WARS1: variants seen among roughly 807,000 people sequenced by gnomAD.
WARS1 encodes tryptophan--tRNA ligase, cytoplasmic.
Under a neutral mutation model 47.8 loss-of-function variants are expected in WARS1, and 17 were observed. The ratio of observed to expected loss-of-function variants is 0.36; its 90% CI spans 0.24 to 0.53. The LOEUF (loss-of-function observed/expected upper bound fraction) is 0.53. Among genes scored for constraint, WARS1 ranks in the 20% least tolerant of loss-of-function variants. The pLI is 0.91. For synonymous variants in WARS1, 208 were observed against 228.1 expected, an observed-to-expected ratio of 0.91 and a Z score of 0.79; for missense variants, 434 against 608.0, an observed-to-expected ratio of 0.71 and a Z score of 3.01.
intron 6 of WARS1, among the ~76,000 whole-genome samples, chr14:100,351,817 C>T (rs1895000368): frequency 6.6e-6 from 1 of 151,966 alleles, no homozygotes; most frequent in African/African-American, 2.4e-5. Flanking sequence ...CACAGTGAAA[C>T]CCCGTCTCTA....
chr14:100,335,977 A>G (rs1277633162), intron 10 of WARS1, among the ~76,000 whole-genome samples: 1 of 149,590 alleles, frequency 6.7e-6, no homozygotes, highest in African/African-American at 2.5e-5. Context: ...TTTTTTTTTT[A>G]AAAGAAATGA....
intron 2 of WARS1, chr14:100,366,531 A>G (rs1896007819): frequency 2.0e-6 from 1 of 511,098 alleles, no homozygotes; most frequent in African/African-American, 1.9e-5. Context: ...GAAGAAACTG[A>G]GGTTATAAAG....
chr14:100,339,103 T>TCACACACACA (rs528163285), intron 9 of WARS1, among the ~76,000 whole-genome samples: 75 of 145,402 alleles, frequency 5.2e-4, no homozygotes, highest in African/African-American at 1.8e-3. Context: ...TGAAACTCCA[T>TCACACACACA]CACACACACA....
intron 9 of WARS1, 135 bp from the exon 10 acceptor site, chr14:100,337,337 C>T (rs1469690304): frequency 5.9e-6 from 8 of 1,356,442 alleles, no homozygotes; most frequent in East Asian, 2.4e-5. Flanking sequence ...CCAAGGCGCA[C>T]AGCCGGTTGG....
At chr14:100,343,471 T>A in intron 7 of WARS1, 84 bp from the exon 8 acceptor site, 1 of 944,186 alleles carries the variant, frequency 1.1e-6, no homozygotes, top group Non-Finnish European at 1.6e-6. Flanking sequence ...AAACAGGTTT[T>A]CTCCCATTAT....
At chr14:100,343,475 C>A in intron 7 of WARS1, 88 bp from the exon 8 acceptor site, 15 of 906,996 alleles carry the variant, frequency 1.7e-5, no homozygotes, top group South Asian at 7.4e-5. Flanking sequence ...AGGTTTTCTC[C>A]CATTATAAAA....
chr14:100,348,718 C>A (rs527664511), intron 6 of WARS1, among the ~76,000 whole-genome samples: 4 of 152,146 alleles, frequency 2.6e-5, no homozygotes, highest in African/African-American at 4.8e-5. Context: ...AGACTCCATG[C>A]GCCCTTGGGA....
intron 6 of WARS1, 32 bp downstream of exon 6, chr14:100,353,655 A>G: frequency 6.2e-7 from 1 of 1,609,376 alleles, no homozygotes; most frequent in Non-Finnish European, 8.5e-7. Flanking sequence ...TCCTCTACCT[A>G]TTGAAAAGGC....
At chr14:100,336,046 C>T (rs1489059306) in intron 10 of WARS1, among the ~76,000 whole-genome samples, 1 of 151,338 alleles carries the variant, frequency 6.6e-6, no homozygotes, top group Admixed American at 6.6e-5. Flanking sequence ...GAGGCCAAGG[C>T]GGGTGGATCA....
intron 6 of WARS1, among the ~76,000 whole-genome samples, chr14:100,352,671 A>G (rs1426565435): frequency 6.6e-6 from 1 of 152,184 alleles, no homozygotes. Flanking sequence ...GGAGTGGAGT[A>G]ACATGCCTTA....
upstream of WARS1, chr14:100,375,988 G>A (rs187185034): frequency 1.1e-3 from 171 of 153,138 alleles, no homozygotes; most frequent in Non-Finnish European, 1.9e-3. Context: ...AAATAAAAAT[G>A]GGGGCCTCTC....
chr14:100,358,400 G>A (rs899986959), intron 4 of WARS1, among the ~76,000 whole-genome samples: 1 of 152,138 alleles, frequency 6.6e-6, no homozygotes, highest in Non-Finnish European at 1.5e-5. Flanking sequence ...CCAAAGTGCT[G>A]GGATTACAGA....
Position 100,334,827 on chromosome 14 carries a change from T to C in WARS1, c.*48A>G, listed in dbSNP as rs765582308. 1.9e-6 allele frequency: 3 copies of C among 1,598,778 alleles called. No individual in the cohort carries two copies. The highest frequency in any genetic ancestry group is 2.6e-6 in the Non-Finnish European group (3 of 1,170,240). On this transcript the variant is annotated 3_prime_UTR_variant, in exon 11 of 11. Transcript: ENST00000392882. ...GCTTTGACTGGGCTGGGATTATTGA[T>C]ACATTACTGATACATCACTTCTTTT...
chr14:100,347,066 T>C (rs1419996679), intron 6 of WARS1, among the ~76,000 whole-genome samples: 2 of 152,212 alleles, frequency 1.3e-5, no homozygotes, highest in Non-Finnish European at 2.9e-5. Flanking sequence ...TGGAGTTGAC[T>C]GGGAAAGGCA....
chr14:100,348,968 C>G (rs751573861), intron 6 of WARS1, among the ~76,000 whole-genome samples: 2 of 152,220 alleles, frequency 1.3e-5, no homozygotes, highest in African/African-American at 2.4e-5. Flanking sequence ...CGGCTGTCCC[C>G]CTGCACAGCT....
chr14:100,346,471 T>C lies in WARS1; in HGVS notation c.826+275A>G, dbSNP rs569239877. On this transcript the variant is annotated intron_variant, in intron 7 of 10. Transcript: ENST00000392882. ...CTCCAAAGTCATCCTTAGATTTTTC[T>C]TTCTTCTAAACCTTAAGACGGGTGA... Among the ~76,000 whole-genome samples, 3 of 152,340 alleles carry C rather than the reference T, an allele frequency of 2.0e-5. No individual in the cohort carries two copies. In the East Asian group the frequency reaches 5.8e-4, roughly 29 times the overall value.
chr14:100,368,312 G>A (rs961112211), intron 2 of WARS1: 1 of 394,570 alleles, frequency 2.5e-6, no homozygotes, highest in African/African-American at 2.1e-5. Flanking sequence ...TTCTATCCGT[G>A]ATGGTTCAGC....
intron 9 of WARS1, among the ~76,000 whole-genome samples, chr14:100,338,266 C>A (rs1893886819): frequency 6.6e-6 from 1 of 152,008 alleles, no homozygotes; most frequent in African/African-American, 2.4e-5. Flanking sequence ...GAAAATGTCA[C>A]CCTAATTTTT....
chr14:100,335,018 T>C lies in WARS1; in HGVS notation c.1273A>G (p.Met425Val). The change falls in exon 11 of 11, where the codon ATG becomes GTG. Residue 425 changes from methionine to valine, a missense_variant. By Grantham distance (21) the Met-to-Val change is conservative (BLOSUM62 1). Around this residue, in one of 2 missense-constraint regions of WARS1, gnomAD observed 347 missense variants for 523.8 expected, o/e 0.66. Coordinates refer to ENST00000392882, the MANE Select transcript of WARS1 (RefSeq NM_004184.4). ...GCCTTCTTGAGCTCACCGGTGAGCATGGCTCCGCTGGTGTAATCCTGCCCG... is the reference window on the plus strand; with the variant it reads ...GCCTTCTTGAGCTCACCGGTGAGCACGGCTCCGCTGGTGTAATCCTGCCCG... ...QIRKDYTSGA[M>V]LTGELKKALI... 6.2e-7 allele frequency: 1 copy of C among 1,613,958 alleles called. No homozygotes were observed. The highest frequency in any genetic ancestry group is 8.5e-7 in the Non-Finnish European group (1 of 1,179,932).
Sources: gnomAD v4.1 joint callset for allele counts (sites outside exome capture counted in the v4.1 genomes callset) on GRCh38, gnomAD v4.1.1 for gene constraint, gnomAD v4.1.1 regional missense constraint, MANE v1.5 for transcripts, NCBI Gene and HGNC (gene_info 2026-07-23, HGNC 2026-07-21) for gene names.